The following SERPING1 variants were observed in gnomAD, a reference collection of about 807,000 sequenced individuals.
The protein encoded by SERPING1 is plasma protease C1 inhibitor.
Under a neutral mutation model 34.1 loss-of-function variants are expected in SERPING1, and 5 were observed. The observed-to-expected ratio is 0.15, with a 90% CI of 0.08 to 0.31. SERPING1 has a LOEUF of 0.31. Among genes scored for constraint, SERPING1 ranks in the 10% least tolerant of loss-of-function variants. SERPING1 has a pLI of 1.00. For synonymous variants in SERPING1, 225 were observed against 242.4 expected (o/e 0.93, Z 0.67); for missense variants, 505 against 609.5 (o/e 0.83, Z 1.81).
At chr11:57,613,955 A>G (rs890553455) in intron 7 of SERPING1, among the ~76,000 whole-genome samples, 3 of 152,124 alleles carry the variant, frequency 2.0e-5, no homozygotes, top group Non-Finnish European at 4.4e-5. Flanking sequence ...AGATGCTCCT[A>G]TAGCATATTT....
At chr11:57,606,600 CTT>C in intron 6 of SERPING1, 53 bp downstream of exon 6, 1 of 1,594,934 alleles carries the variant, frequency 6.3e-7, no homozygotes, top group Non-Finnish European at 8.6e-7. Flanking sequence ...AGTCTCCTGA[CTT>C]TTTTTCTGCT....
Position 57,600,161 on chromosome 11 carries a change from G to T in SERPING1, c.334G>T (p.Asp112Tyr). The change falls in exon 3 of 8, where the codon GAT becomes TAT. Residue 112 changes from aspartate to tyrosine, a missense_variant. Transcript: ENST00000278407. ...CCAACCAACTACCCAGCTCCCAACAGATTCTCCTACCCAGCCCACTACTGG... is the reference window on the plus strand; with the variant it reads ...CCAACCAACTACCCAGCTCCCAACATATTCTCCTACCCAGCCCACTACTGG... ...PTQPTTQLPT[D>Y]SPTQPTTGSF... 2 of 1,484,192 alleles carry T rather than the reference G, an allele frequency of 1.3e-6. No homozygotes were observed. Among genetic ancestry groups the T allele is most frequent in the South Asian group, 2.2e-5 (2 of 89,292 alleles). 91.9% of individuals were successfully genotyped at this position (1,484,192 alleles called of 1,614,324 possible).
At position 57,606,174 on chromosome 11, in the gene SERPING1, G is replaced by A. The variant is rs577040472; in HGVS notation, c.850G>A (p.Asp284Asn). ...CCGGCTGCTAGACAGTCTGCCCTCCGATACCCGCCTTGTCCTCCTCAATGC... is the reference window on the plus strand; with the variant it reads ...CCGGCTGCTAGACAGTCTGCCCTCCAATACCCGCCTTGTCCTCCTCAATGC... ...ISRLLDSLPS[D>N]TRLVLLNAIY... The change falls in exon 5 of 8, where the codon GAT becomes AAT. Residue 284 changes from aspartate (D) to asparagine (N), a missense_variant. By Grantham distance (23) the Asp-to-Asn change is conservative. Coordinates refer to ENST00000278407, the MANE Select transcript of SERPING1 (RefSeq NM_000062.3). 1.5e-5 allele frequency: 25 copies of A among 1,614,110 alleles called. No individual in the cohort carries two copies. In the Middle Eastern group the frequency reaches 5.0e-4, roughly 32 times the overall value.
chr11:57,607,629 G>A (rs1945425708), intron 6 of SERPING1, among the ~76,000 whole-genome samples: 1 of 152,130 alleles, frequency 6.6e-6, no homozygotes, highest in Non-Finnish European at 1.5e-5. Flanking sequence ...GCCAAAGAGA[G>A]CTACTCAGTA....
At chr11:57,609,772 A>G (rs1945458771) in intron 6 of SERPING1, among the ~76,000 whole-genome samples, 1 of 152,002 alleles carries the variant, frequency 6.6e-6, no homozygotes, top group Non-Finnish European at 1.5e-5. Context: ...TTATTTATTT[A>G]TGTAGTTTTC....
At chr11:57,598,361 C>T (rs1262749369) in intron 2 of SERPING1, 40 bp downstream of exon 2, 2 of 1,525,124 alleles carry the variant, frequency 1.3e-6, no homozygotes, top group South Asian at 1.2e-5. Context: ...GGGGTGGAGA[C>T]GGGAGGCGGG....
chr11:57,598,346 G>T, intron 2 of SERPING1, 25 bp downstream of exon 2: 2 of 1,549,106 alleles, frequency 1.3e-6, no homozygotes, highest in Non-Finnish European at 1.7e-6. Context: ...GTGGGATGGG[G>T]GACGGGGGTG....
intron 4 of SERPING1, among the ~76,000 whole-genome samples, chr11:57,602,779 A>C (rs867716777): frequency 1.1e-5 from 1 of 89,602 alleles, no homozygotes; most frequent in Non-Finnish European, 2.3e-5. Flanking sequence ...AAACAAAACA[A>C]AAACAAAAAA....
chr11:57,612,403 CTTTTT>C (rs1175159358), intron 7 of SERPING1, among the ~76,000 whole-genome samples: 1 of 135,218 alleles, frequency 7.4e-6, no homozygotes, highest in African/African-American at 2.7e-5. Flanking sequence ...ACTCCATTTT[CTTTTT>C]TTTTTTTTTT....
chr11:57,610,308 C>T lies in SERPING1; in HGVS notation c.1030-1409C>T, dbSNP rs189788642. Among the ~76,000 whole-genome samples the T allele has an allele frequency of 7.2e-5, 11 of 152,250 alleles. No homozygotes were observed. The East Asian group carries it at 1.3e-3, about 19-fold the overall frequency. On this transcript the variant is annotated intron_variant, in intron 6 of 7. Transcript: ENST00000278407. ...ACCCAAGGAAGGGGGTGAGATTTACCGGCTCAGGTACACCGAGGTTACTGG... is the reference window on the plus strand; with the variant it reads ...ACCCAAGGAAGGGGGTGAGATTTACTGGCTCAGGTACACCGAGGTTACTGG...
At chr11:57,597,961 A>G in intron 1 of SERPING1, 3 of 427,648 alleles carry the variant, frequency 7.0e-6, no homozygotes. Context: ...TTGTTTGGTT[A>G]AAGCAGGACC....
At position 57,614,357 on chromosome 11, in the gene SERPING1, C is replaced by T; in HGVS notation, c.1279C>T (p.Leu427=). The change falls in exon 8 of 8, where the codon CTG becomes TTG. Residue 427 remains leucine, a synonymous_variant. Transcript: ENST00000278407. ...EFFDFSYDLN[L]CGLTEDPDLQ... ...CTTCGATTTTTCTTATGACCTTAAC[C>T]TGTGTGGGCTGACAGAGGACCCAGA... 6.2e-7 allele frequency: 1 copy of T among 1,614,058 alleles called. No homozygotes were observed. The highest frequency in any genetic ancestry group is 8.5e-7 in the Non-Finnish European group (1 of 1,180,038).
intron 7 of SERPING1, among the ~76,000 whole-genome samples, chr11:57,612,876 C>G (rs1945496088): frequency 6.6e-6 from 1 of 152,132 alleles, no homozygotes; most frequent in Non-Finnish European, 1.5e-5. Flanking sequence ...TCCCAAGTAG[C>G]TGGGATTACA....
intron 3 of SERPING1, 136 bp downstream of exon 3, chr11:57,600,513 A>ATGGT: frequency 1.1e-6 from 1 of 908,672 alleles, no homozygotes. Context: ...GGTGGGGTAG[A>ATGGT]GGGATGTATC....
chr11:57,601,992 G>A (rs774073771), intron 3 of SERPING1, 43 bp from the exon 4 acceptor site: 13 of 1,606,210 alleles, frequency 8.1e-6, no homozygotes, highest in African/African-American at 2.7e-5. Context: ...GAAGGCCCCC[G>A]ACTCATCCTG....
At chr11:57,611,636 C>A in intron 6 of SERPING1, 81 bp from the exon 7 acceptor site, 2 of 1,283,994 alleles carry the variant, frequency 1.6e-6, no homozygotes, top group Non-Finnish European at 2.3e-6. Context: ...GAGCAGACTG[C>A]AGGACAGCAT....
At position 57,611,731 on chromosome 11, in the gene SERPING1, G is replaced by A. The variant is rs775661246; in HGVS notation, c.1044G>A (p.Gln348=). 1 of 1,614,026 alleles carries A rather than the reference G, an allele frequency of 6.2e-7. No individual in the cohort carries two copies. Among genetic ancestry groups the A allele is most frequent in the Non-Finnish European group, 8.5e-7 (1 of 1,179,994 alleles). ...QTLKAKVGQL[Q]LSHNLSLVIL... is the part of the protein sequence containing the mutation. ...TTATTTTCTAGGTGGGGCAGCTGCA[G>A]CTCTCCCACAATCTGAGTTTGGTGA... The change falls in exon 7 of 8, where the codon CAG becomes CAA. Residue 348 remains glutamine, a synonymous_variant. Coordinates refer to ENST00000278407, the MANE Select transcript of SERPING1 (RefSeq NM_000062.3).
At chr11:57,609,130 T>A (rs764944294) in intron 6 of SERPING1, among the ~76,000 whole-genome samples, 4 of 149,586 alleles carry the variant, frequency 2.7e-5, no homozygotes, top group Non-Finnish European at 4.5e-5. Context: ...AATACAAAAA[T>A]TAGCCAGGCA....
chr11:57,601,876 AAAAAAG>A (rs1356138342), intron 3 of SERPING1, among the ~76,000 whole-genome samples, 153 bp from the exon 4 acceptor site: 37 of 151,088 alleles, frequency 2.4e-4, no homozygotes, highest in South Asian at 8.3e-4. Context: ...AAAAAAAAAA[AAAAAAG>A]AGAGATTGAG....
Sources: allele counts gnomAD v4.1 joint callset (sites outside exome capture counted in the v4.1 genomes callset), GRCh38; gene constraint gnomAD v4.1.1; transcripts MANE v1.5; gene names NCBI Gene and HGNC (gene_info 2026-07-23, HGNC 2026-07-21).